Variants in MRPS27 observed in about 807,000 individuals in gnomAD.
MRPS27 encodes small ribosomal subunit protein mS27.
Under a neutral mutation model 48.9 loss-of-function variants are expected in MRPS27, and 43 were observed. The ratio of observed to expected loss-of-function variants is 0.88; its 90% CI spans 0.69 to 1.13. The LOEUF (loss-of-function observed/expected upper bound fraction) is 1.13, where lower values mean the gene tolerates loss of function less well. Ranked by LOEUF, MRPS27 falls within the 50% of genes most tolerant of loss-of-function variation. The pLI is 0.00. For missense variants in MRPS27, 467 were observed against 476.3 expected (o/e 0.98, Z 0.18); for synonymous variants, 188 against 171.9 (o/e 1.09, Z -0.73).
At chr5:72,230,650 T>C (rs1001786979) in intron 7 of MRPS27, among the ~76,000 whole-genome samples, 1 of 152,120 alleles carries the variant, frequency 6.6e-6, no homozygotes, top group African/African-American at 2.4e-5. Context: ...TCTCCACAAT[T>C]GTATCTCCAG....
At position 72,246,268 on chromosome 5, in the gene MRPS27, G is replaced by A. The variant is rs1301334470; in HGVS notation, c.282-8140C>T. 3.9e-5 allele frequency among the ~76,000 whole-genome samples: 6 copies of A among 152,324 alleles called. No homozygotes were observed. In the East Asian group the frequency reaches 1.2e-3, roughly 29 times the overall value. On this transcript the variant is annotated intron_variant, in intron 4 of 10. Transcript: ENST00000261413. ...GTATCCTGGCTAAAATAAAGTTGAA[G>A]CCAAGAAGAAATGCTGCCTTTTTTG...
chr5:72,309,277 T>G (rs1172114781), intron 2 of MRPS27, among the ~76,000 whole-genome samples: 3 of 152,086 alleles, frequency 2.0e-5, no homozygotes, highest in Non-Finnish European at 2.9e-5. Context: ...CAGACTTTTT[T>G]TTTTTTGAGA....
intron 4 of MRPS27, among the ~76,000 whole-genome samples, chr5:72,255,046 T>C (rs1283201588): frequency 7.2e-6 from 1 of 139,334 alleles, no homozygotes; most frequent in African/African-American, 2.7e-5. Context: ...TTTTTTTTTT[T>C]TTTTTTTTTT....
At position 72,238,135 on chromosome 5, in the gene MRPS27, A is replaced by G. The variant is rs778202299; in HGVS notation, c.282-7T>C. On this transcript the variant is annotated splice_region_variant and splice_polypyrimidine_tract_variant and intron_variant, in intron 4 of 10. Coordinates refer to ENST00000261413, the MANE Select transcript of MRPS27 (RefSeq NM_015084.3). Reference sequence around the variant, plus strand: ...GTTGGGGCTGTGTCGAAACCTAAATAAGCACAAGAAGAGAGAAAACTGGTG... The same window carrying G: ...GTTGGGGCTGTGTCGAAACCTAAATGAGCACAAGAAGAGAGAAAACTGGTG... 8.1e-6 allele frequency: 13 copies of G among 1,598,362 alleles called. No individual in the cohort carries two copies. Among genetic ancestry groups the G allele is most frequent in the Non-Finnish European group, 1.0e-5 (12 of 1,166,042 alleles).
At chr5:72,277,607 AAAAAG>A (rs1749411850) in intron 4 of MRPS27, among the ~76,000 whole-genome samples, 1 of 152,174 alleles carries the variant, frequency 6.6e-6, no homozygotes, top group Admixed American at 6.5e-5. Context: ...CGTCTCAAAA[AAAAAG>A]AAAAGAAAAA....
chr5:72,301,622 T>C (rs185466650), intron 2 of MRPS27, among the ~76,000 whole-genome samples: 1 of 152,352 alleles, frequency 6.6e-6, no homozygotes, highest in African/African-American at 2.4e-5. Flanking sequence ...TGTAGTGTGG[T>C]AACTCAAGAT....
rs879421705 is a variant in MRPS27 at position 72,266,859 on chromosome 5, CA to C, written c.281+28671del. Among the ~76,000 whole-genome samples the C allele has an allele frequency of 1.5e-3, 206 of 137,354 alleles. 1 individual carries two copies. Among genetic ancestry groups the C allele is most frequent in the African/African-American group, 4.7e-3 (174 of 37,408 alleles). The allele number at this position is 137,354 out of a possible 152,430, so 90.1% of individuals were successfully genotyped here. A position where few individuals can be genotyped will look rare whatever the true frequency, so the allele number is the denominator to read the frequency against. On this transcript the variant is annotated intron_variant, in intron 4 of 10. Transcript: ENST00000261413. ...TGGGTGACAGAGCGAGATTTCGTCT[CA>C]AAAAAAAAAAGAAGATGAAGCCCGA...
At chr5:72,269,769 A>ATC (rs370104819) in intron 4 of MRPS27, among the ~76,000 whole-genome samples, 1 of 152,354 alleles carries the variant, frequency 6.6e-6, no homozygotes, top group Non-Finnish European at 1.5e-5. Flanking sequence ...CCAGATGAAT[A>ATC]TCTAGGTGTT....
At chr5:72,317,263 T>C (rs1750589967) in intron 1 of MRPS27, among the ~76,000 whole-genome samples, 1 of 152,244 alleles carries the variant, frequency 6.6e-6, no homozygotes, top group Non-Finnish European at 1.5e-5. Context: ...ACTAGAATAA[T>C]ATATCTAAAT....
intron 10 of MRPS27, among the ~76,000 whole-genome samples, chr5:72,223,447 G>T (rs1268629285): frequency 6.6e-6 from 1 of 152,188 alleles, no homozygotes; most frequent in South Asian, 2.1e-4. Context: ...GTAATGACAT[G>T]CCACCTTAGT....
Position 72,237,962 on chromosome 5 carries a change from C to T in MRPS27, c.396+52G>A, listed in dbSNP as rs1561333621. 3 of 1,297,630 alleles carry T rather than the reference C, an allele frequency of 2.3e-6. No homozygotes were observed. In the South Asian group the frequency reaches 3.6e-5, roughly 15 times the overall value. 80.4% of individuals were successfully genotyped at this position (1,297,630 alleles called of 1,614,324 possible). On this transcript the variant is annotated intron_variant, in intron 5 of 10. Coordinates refer to ENST00000261413, the MANE Select transcript of MRPS27 (RefSeq NM_015084.3). ...TGCTGTACTACAATAGGTACAAACA[C>T]CATATCACCTAAACTCAGGAAAACA...
At chr5:72,315,263 C>T (rs192579394) in intron 1 of MRPS27, among the ~76,000 whole-genome samples, 3 of 151,928 alleles carry the variant, frequency 2.0e-5, no homozygotes, top group Non-Finnish European at 4.4e-5. Flanking sequence ...AAAAAGACAA[C>T]CCAAATGAAT....
intron 8 of MRPS27, 82 bp downstream of exon 8, chr5:72,228,184 A>G (rs1580053072): frequency 8.0e-7 from 1 of 1,255,286 alleles, no homozygotes; most frequent in African/African-American, 1.5e-5. Context: ...AATTTAAATC[A>G]AATTACAATT....
chr5:72,275,332 GGAC>G, intron 4 of MRPS27, among the ~76,000 whole-genome samples: 1 of 152,212 alleles, frequency 6.6e-6, no homozygotes, highest in East Asian at 1.9e-4. Flanking sequence ...GCAAAGTGAA[GGAC>G]TTCTTCAAGG....
intron 4 of MRPS27, among the ~76,000 whole-genome samples, chr5:72,264,919 G>A (rs1749071202): frequency 6.6e-6 from 1 of 152,166 alleles, no homozygotes; most frequent in African/African-American, 2.4e-5. Context: ...AACAACGGAG[G>A]AAGTACGCTT....
At chr5:72,317,405 G>C (rs747943311) in intron 1 of MRPS27, among the ~76,000 whole-genome samples, 1 of 151,982 alleles carries the variant, frequency 6.6e-6, no homozygotes, top group African/African-American at 2.4e-5. Context: ...ATGGAGTTTC[G>C]CTCTTGTTGC....
chr5:72,312,070 T>G (rs1019131538), intron 2 of MRPS27, among the ~76,000 whole-genome samples: 3 of 152,170 alleles, frequency 2.0e-5, no homozygotes, highest in Non-Finnish European at 4.4e-5. Context: ...AGGCGGAGGT[T>G]GCAGTGAGCC....
rs181261925 is a variant in MRPS27, at chr5:72,301,396, T to C, written c.152-3694A>G. On this transcript the variant is annotated intron_variant, in intron 2 of 10. Coordinates refer to ENST00000261413, the MANE Select transcript of MRPS27 (RefSeq NM_015084.3). ...TAAATGTCTCTCTCATAATAGCAAA[T>C]CTTTTGATCATTTCATAATGAAGGC... is the stretch of plus-strand genomic sequence containing the variant. Among the ~76,000 whole-genome samples the C allele has an allele frequency of 3.9e-3, 590 of 152,334 alleles. 13 individuals carry two copies. Among genetic ancestry groups the C allele is most frequent in the Middle Eastern group, 3.4e-3 (1 of 294 alleles).
intron 4 of MRPS27, among the ~76,000 whole-genome samples, chr5:72,278,066 G>T (rs1024301433): frequency 2.9e-4 from 44 of 152,120 alleles, no homozygotes; most frequent in Non-Finnish European, 5.9e-5. Flanking sequence ...ATCTGCACAT[G>T]TATCCTGAAA....
Sources: allele counts gnomAD v4.1 joint callset (sites outside exome capture counted in the v4.1 genomes callset), GRCh38; gene constraint gnomAD v4.1.1; transcripts MANE v1.5; gene names NCBI Gene and HGNC (gene_info 2026-07-23, HGNC 2026-07-21).